CDYL2: variants seen among roughly 807,000 people sequenced by gnomAD.
The protein encoded by CDYL2 is chromodomain Y like 2, also known as chromodomain Y-like protein 2.
A neutral mutation model predicts 49.4 loss-of-function variants in CDYL2; 23 were observed. The ratio of observed to expected loss-of-function variants is 0.47; its 90% CI spans 0.34 to 0.66. The LOEUF is 0.66. CDYL2 is among the 30% of genes least tolerant of loss of function. The pLI, the probability that CDYL2 is intolerant of heterozygous loss-of-function variation, is 0.01. For synonymous variants in CDYL2, 360 were observed against 268.8 expected (o/e 1.34, Z -3.32); for missense variants, 678 against 656.4 (o/e 1.03, Z -0.36).
chr16:80,718,367 C>T (rs927974431), intron 1 of CDYL2, among the ~76,000 whole-genome samples: 1 of 152,140 alleles, frequency 6.6e-6, no homozygotes, highest in Non-Finnish European at 1.5e-5. Context: ...ACCTTATGTG[C>T]ACAATCCCAT....
intron 2 of CDYL2, chr16:80,639,705 C>A (rs1171064484): frequency 2.2e-6 from 1 of 455,886 alleles, no homozygotes; most frequent in East Asian, 6.9e-5. Context: ...CTGAAAGAAG[C>A]ACCGAAGAGG....
chr16:80,749,732 A>G (rs71400112), intron 1 of CDYL2, among the ~76,000 whole-genome samples: 1 of 151,872 alleles, frequency 6.6e-6, no homozygotes, highest in Non-Finnish European at 1.5e-5. Context: ...AAATTTTTTT[A>G]AAAAAATTTA....
At chr16:80,742,426 G>A (rs1355377981) in intron 1 of CDYL2, 1 of 151,762 alleles carries the variant, frequency 6.6e-6, no homozygotes, top group Non-Finnish European at 1.5e-5. Context: ...ATGGTTGAGT[G>A]GGTAGAAGGG....
intron 1 of CDYL2, among the ~76,000 whole-genome samples, chr16:80,781,460 T>C (rs1007780636): frequency 2.6e-5 from 4 of 152,142 alleles, no homozygotes; most frequent in African/African-American, 7.2e-5. Flanking sequence ...ATATCCCATA[T>C]TTAACAATAG....
chr16:80,726,465 T>C (rs189534089), intron 1 of CDYL2, among the ~76,000 whole-genome samples: 238 of 152,372 alleles, frequency 1.6e-3, no homozygotes, highest in African/African-American at 5.4e-3. Flanking sequence ...TGAAGTTCTA[T>C]TTAGAGCAAG....
chr16:80,744,601 C>G (rs1905861652), intron 1 of CDYL2, among the ~76,000 whole-genome samples: 1 of 152,164 alleles, frequency 6.6e-6, no homozygotes, highest in South Asian at 2.1e-4. Context: ...CTTCAAAATA[C>G]AGGTGAAGAA....
At chr16:80,648,824 T>C (rs746272409) in intron 2 of CDYL2, among the ~76,000 whole-genome samples, 5 of 152,122 alleles carry the variant, frequency 3.3e-5, no homozygotes, top group East Asian at 1.9e-4. Context: ...ATCCCTGGGA[T>C]ACAAGCATGG....
chr16:80,688,512 T>C (rs1326869588), intron 1 of CDYL2, among the ~76,000 whole-genome samples: 1 of 152,202 alleles, frequency 6.6e-6, no homozygotes, highest in African/African-American at 2.4e-5. Flanking sequence ...TTGACAAAAC[T>C]GCTTTTATAT....
chr16:80,691,793 A>G (rs762296283), intron 1 of CDYL2, among the ~76,000 whole-genome samples: 13 of 152,202 alleles, frequency 8.5e-5, no homozygotes, highest in Non-Finnish European at 1.8e-4. Flanking sequence ...AAGAAGAGAT[A>G]CATGATGAAA....
Position 80,804,266 on chromosome 16 carries a change from TGC to T in CDYL2, c.-95_-94del. On this transcript the variant is annotated 5_prime_UTR_variant, in exon 1 of 7. Transcript: ENST00000570137. ...GCGGGGTCCGGTGTGCGCGTGTGTG[TGC>T]GCGCGTGTGTGTGCGAGTGTGTGTG... 3.5e-6 allele frequency: 4 copies of T among 1,148,996 alleles called. No homozygotes were observed. The highest frequency in any genetic ancestry group is 3.0e-5 in the Admixed American group (1 of 33,374). The allele number at this position is 1,148,996 out of a possible 1,614,324, so 71.2% of individuals were successfully genotyped here. A position where few individuals can be genotyped will look rare whatever the true frequency, so the allele number is the denominator to read the frequency against.
chr16:80,629,469 C>T (rs1167708406), intron 3 of CDYL2, among the ~76,000 whole-genome samples: 1 of 152,176 alleles, frequency 6.6e-6, no homozygotes. Context: ...CTGCTGTGTT[C>T]CTGAGAGTAG....
chr16:80,679,795 A>G (rs191831664), intron 2 of CDYL2: 2 of 455,990 alleles, frequency 4.4e-6, no homozygotes, highest in East Asian at 1.4e-4. Flanking sequence ...TCATTAGTCT[A>G]GAGCAGTAGT....
At chr16:80,618,542 G>C (rs1168731089) in intron 4 of CDYL2, among the ~76,000 whole-genome samples, 1 of 152,174 alleles carries the variant, frequency 6.6e-6, no homozygotes, top group Admixed American at 6.5e-5. Context: ...CCATTCGGTG[G>C]GGGCTCTGGG....
At chr16:80,793,275 C>T (rs1023809952) in intron 1 of CDYL2, among the ~76,000 whole-genome samples, 2 of 152,236 alleles carry the variant, frequency 1.3e-5, no homozygotes, top group Non-Finnish European at 2.9e-5. Context: ...GCCTCTATCA[C>T]ATGCACACCT....
chr16:80,760,665 A>G lies in CDYL2; in HGVS notation c.24+43485T>C, dbSNP rs377692393. On this transcript the variant is annotated intron_variant, in intron 1 of 6. Coordinates refer to ENST00000570137, the MANE Select transcript of CDYL2 (RefSeq NM_152342.4). ...TAAAAAGAAAAACAGTGTCAAAATC[A>G]TTGTATTCCTTGTAAGTATCTTCTC... Among the ~76,000 whole-genome samples the G allele has an allele frequency of 4.4e-4, 67 of 152,188 alleles. No homozygotes were observed. In the Middle Eastern group the frequency reaches 0.01, roughly 23 times the overall value.
At chr16:80,646,516 C>T (rs1041339600) in intron 2 of CDYL2, among the ~76,000 whole-genome samples, 10 of 151,816 alleles carry the variant, frequency 6.6e-5, no homozygotes, top group Admixed American at 3.3e-4. Flanking sequence ...CCAGGTCGGG[C>T]GTGGTGGCTC....
At chr16:80,751,715 G>T (rs1489876409) in intron 1 of CDYL2, among the ~76,000 whole-genome samples, 2 of 152,216 alleles carry the variant, frequency 1.3e-5, no homozygotes, top group Admixed American at 6.5e-5. Flanking sequence ...AAGGTTCAAA[G>T]TGCTGAGGAA....
At chr16:80,608,369 G>C in intron 5 of CDYL2, 134 bp from the exon 6 acceptor site, 3 of 986,692 alleles carry the variant, frequency 3.0e-6, no homozygotes, top group Non-Finnish European at 4.3e-6. Flanking sequence ...ATCTTATTTT[G>C]GGGTCAGATA....
intron 1 of CDYL2, among the ~76,000 whole-genome samples, chr16:80,771,204 A>C (rs1906893418): frequency 6.6e-6 from 1 of 152,256 alleles, no homozygotes; most frequent in African/African-American, 2.4e-5. Context: ...ACTAGGCCTC[A>C]GTTCAGTTCT....
Sources: gnomAD v4.1 joint callset for allele counts (sites outside exome capture counted in the v4.1 genomes callset) on GRCh38, gnomAD v4.1.1 for gene constraint, MANE v1.5 for transcripts, NCBI Gene and HGNC (gene_info 2026-07-23, HGNC 2026-07-21) for gene names.